The following ULK4 variants were observed in gnomAD, a reference collection of about 807,000 sequenced individuals.
The protein encoded by ULK4 is inactive serine/threonine-protein kinase ULK4.
ULK4 carries 133 observed loss-of-function variants against 160.6 expected under a neutral mutation model. The observed-to-expected ratio is 0.83, with a 90% CI of 0.72 to 0.96. The LOEUF is 0.96. ULK4 is among the 40% of genes least tolerant of loss of function. The pLI is 0.00. For synonymous variants in ULK4, 534 were observed against 539.8 expected, an observed-to-expected ratio of 0.99 and a Z score of 0.15; for missense variants, 1,580 against 1,499.5, an observed-to-expected ratio of 1.05 and a Z score of -0.89.
At chr3:41,764,337 G>C in intron 21 of ULK4, among the ~76,000 whole-genome samples, 1 of 152,084 alleles carries the variant, frequency 6.6e-6, no homozygotes, top group Admixed American at 6.6e-5. Context: ...TTTTTGGGAT[G>C]CCTAGTAAAG....
chr3:41,527,311 T>C (rs1259214803), intron 32 of ULK4, among the ~76,000 whole-genome samples: 5 of 152,116 alleles, frequency 3.3e-5, no homozygotes. Context: ...GAAACAAGGG[T>C]AGAAATTCTG....
intron 34 of ULK4, among the ~76,000 whole-genome samples, chr3:41,429,514 G>C (rs2082854606): frequency 6.6e-6 from 1 of 152,168 alleles, no homozygotes; most frequent in African/African-American, 2.4e-5. Context: ...GCCCATCAGT[G>C]AGACTGGATA....
chr3:41,645,744 C>A (rs1457237876), intron 30 of ULK4, among the ~76,000 whole-genome samples: 1 of 152,058 alleles, frequency 6.6e-6, no homozygotes, highest in Non-Finnish European at 1.5e-5. Flanking sequence ...TCCTGGGTAT[C>A]CTTGTTAACT....
chr3:41,666,977 T>TA (rs1199586133), intron 29 of ULK4, among the ~76,000 whole-genome samples: 2 of 151,504 alleles, frequency 1.3e-5, no homozygotes, highest in African/African-American at 2.4e-5. Flanking sequence ...ACCCTGTCTA[T>TA]AAAAAAAGAA....
chr3:41,783,381 A>G (rs1451461755), intron 21 of ULK4, among the ~76,000 whole-genome samples: 1 of 152,118 alleles, frequency 6.6e-6, no homozygotes, highest in African/African-American at 2.4e-5. Context: ...TATTAAAAAT[A>G]CAAAAATTAG....
rs116888971 is a variant in ULK4 at position 41,747,448 on chromosome 3, G to C, written c.2321+6913C>G. ...GGCCTAAATGCAAAGCTGTGCCAGA[G>C]ACTTGGAACCTATTTATACAAGAGA... On this transcript the variant is annotated intron_variant, in intron 22 of 36. Transcript: ENST00000301831. 4.9e-4 allele frequency among the ~76,000 whole-genome samples: 74 copies of C among 151,936 alleles called. No individual in the cohort carries two copies. In the East Asian group the frequency reaches 0.014, roughly 29 times the overall value.
chr3:41,283,563 C>T lies in ULK4; in HGVS notation c.3679-33989G>A, dbSNP rs1183271613. ...ATCGCAAGGACAAAACCAAACACCA[C>T]ATGTTCTCACTCATAGGTGGGAATT... On this transcript the variant is annotated intron_variant, in intron 35 of 36. Transcript: ENST00000301831. 2.6e-5 allele frequency among the ~76,000 whole-genome samples: 4 copies of T among 152,264 alleles called. No homozygotes were observed. The South Asian group carries it at 6.2e-4, about 24-fold the overall frequency.
At chr3:41,368,048 G>A (rs140664180) in intron 35 of ULK4, among the ~76,000 whole-genome samples, 35 of 150,568 alleles carry the variant, frequency 2.3e-4, no homozygotes, top group African/African-American at 4.4e-4. Context: ...ATTTTGTGTC[G>A]CAATTTTTTT....
At chr3:41,507,940 A>G (rs181065591) in intron 32 of ULK4, among the ~76,000 whole-genome samples, 5 of 152,280 alleles carry the variant, frequency 3.3e-5, no homozygotes, top group Admixed American at 2.6e-4. Context: ...GCATCCATAG[A>G]CCCTTTGAAG....
intron 31 of ULK4, among the ~76,000 whole-genome samples, chr3:41,569,109 C>A (rs1394885391): frequency 1.3e-5 from 2 of 152,198 alleles, no homozygotes; most frequent in Admixed American, 6.5e-5. Flanking sequence ...GGCACACCAC[C>A]CTCCAGCAAC....
chr3:41,938,217 T>C lies in ULK4; in HGVS notation c.139-20A>G, dbSNP rs1280452823. 1.3e-6 allele frequency: 2 copies of C among 1,593,500 alleles called. No homozygotes were observed. The highest frequency in any genetic ancestry group is 1.7e-6 in the Non-Finnish European group (2 of 1,168,314). On this transcript the variant is annotated intron_variant, in intron 2 of 36. Transcript: ENST00000301831. Reference sequence around the variant, plus strand: ...ACGGACCTATAAAAACACAGAGCAATCACTCTAAAAAGAAATTCCTAAAAC... The same window carrying C: ...ACGGACCTATAAAAACACAGAGCAACCACTCTAAAAAGAAATTCCTAAAAC...
chr3:41,682,908 G>A (rs2125792531), intron 27 of ULK4, among the ~76,000 whole-genome samples: 1 of 152,234 alleles, frequency 6.6e-6, no homozygotes, highest in South Asian at 2.1e-4. Context: ...TATCAGGAGA[G>A]GAGTAAGACT....
intron 35 of ULK4, among the ~76,000 whole-genome samples, chr3:41,396,076 G>C (rs1281155728): frequency 6.6e-6 from 1 of 152,006 alleles, no homozygotes; most frequent in Non-Finnish European, 1.5e-5. Context: ...CATAATATCT[G>C]CAATTCTAAA....
chr3:41,596,236 C>T (rs2031682859), intron 31 of ULK4, among the ~76,000 whole-genome samples: 1 of 152,140 alleles, frequency 6.6e-6, no homozygotes, highest in Non-Finnish European at 1.5e-5. Context: ...TTTTAGAGGG[C>T]AGGAATCATA....
rs568406782 is a variant in ULK4, at chr3:41,574,531, C to CTTTTTTTTT, written c.3121-8410_3121-8402dup. On this transcript the variant is annotated intron_variant, in intron 31 of 36. Transcript: ENST00000301831. ...CCTCCACTACTGCTACCAGAGTCCT[C>CTTTTTTTTT]TTTTTTTTTTTTTTTTTTTTTTTTT... Among the ~76,000 whole-genome samples the CTTTTTTTTT allele has an allele frequency of 2.1e-4, 19 of 92,166 alleles. 5 individuals carry two copies. Among genetic ancestry groups the CTTTTTTTTT allele is most frequent in the African/African-American group, 4.6e-4 (13 of 28,096 alleles). The allele number at this position is 92,166 out of a possible 152,430, so 60.5% of individuals were successfully genotyped here.
intron 35 of ULK4, among the ~76,000 whole-genome samples, chr3:41,394,871 A>G (rs551223186): frequency 6.6e-6 from 1 of 152,214 alleles, no homozygotes; most frequent in East Asian, 1.9e-4. Flanking sequence ...GGCATTTATC[A>G]CAGATGGCAG....
chr3:41,689,349 C>T (rs2036205299), intron 27 of ULK4, among the ~76,000 whole-genome samples: 1 of 152,122 alleles, frequency 6.6e-6, no homozygotes, highest in Admixed American at 6.5e-5. Flanking sequence ...GTATGTATAC[C>T]AGACTTTATT....
chr3:41,853,145 T>G (rs1002223536), intron 17 of ULK4, among the ~76,000 whole-genome samples: 2 of 150,844 alleles, frequency 1.3e-5, no homozygotes, highest in African/African-American at 4.9e-5. Flanking sequence ...CTGAAGAGTC[T>G]GTAAAAACAT....
At chr3:41,502,431 C>T (rs2085243188) in intron 32 of ULK4, among the ~76,000 whole-genome samples, 1 of 152,138 alleles carries the variant, frequency 6.6e-6, no homozygotes, top group Admixed American at 6.5e-5. Context: ...CCATATAACC[C>T]AGCAATCTCA....
Sources: allele counts gnomAD v4.1 joint callset (sites outside exome capture counted in the v4.1 genomes callset), GRCh38; gene constraint gnomAD v4.1.1; transcripts MANE v1.5; gene names NCBI Gene and HGNC (gene_info 2026-07-23, HGNC 2026-07-21).